The following DLGAP1 variants were observed in gnomAD, a reference collection of about 807,000 sequenced individuals.
DLGAP1 encodes the protein DLG associated protein 1, also known as disks large-associated protein 1.
Under a neutral mutation model 90.8 loss-of-function variants are expected in DLGAP1, and 11 were observed. The observed-to-expected ratio is 0.12, with a 90% CI of 0.08 to 0.20. The LOEUF (loss-of-function observed/expected upper bound fraction) is 0.20, where lower values mean the gene tolerates loss of function less well. DLGAP1 is among the 10% of genes least tolerant of loss of function. The pLI is 1.00. For synonymous variants in DLGAP1, 558 were observed against 540.7 expected (o/e 1.03, Z -0.44); for missense variants, 1,050 against 1,333.8 (o/e 0.79, Z 3.31).
At chr18:3,865,371 T>C (rs2070320080) in intron 4 of DLGAP1, among the ~76,000 whole-genome samples, 1 of 152,196 alleles carries the variant, frequency 6.6e-6, no homozygotes, top group South Asian at 2.1e-4. Flanking sequence ...GTAAAGGTTC[T>C]TTCATAGGTT....
chr18:4,189,212 G>C (rs936171644), intron 1 of DLGAP1, among the ~76,000 whole-genome samples: 4 of 152,014 alleles, frequency 2.6e-5, no homozygotes, highest in Non-Finnish European at 4.4e-5. Flanking sequence ...AAAGATAATG[G>C]AATAATATTT....
chr18:3,743,370 T>G (rs550475863), intron 5 of DLGAP1, among the ~76,000 whole-genome samples: 2 of 152,194 alleles, frequency 1.3e-5, no homozygotes, highest in South Asian at 4.2e-4. Flanking sequence ...TTTTTATTTT[T>G]TTGAGACGGA....
chr18:3,803,673 T>C (rs1474981074), intron 5 of DLGAP1, among the ~76,000 whole-genome samples: 6 of 151,570 alleles, frequency 4.0e-5, no homozygotes, highest in Admixed American at 3.9e-4. Flanking sequence ...CATGAGTCAG[T>C]GGGAGGAAAG....
chr18:3,822,153 A>G, intron 4 of DLGAP1: 1 of 250,160 alleles, frequency 4.0e-6, no homozygotes, highest in Non-Finnish European at 6.3e-6. Context: ...CTCCCCTGGA[A>G]GCCCGAAATT....
At chr18:4,341,920 T>TTC (rs148167267) in intron 1 of DLGAP1, among the ~76,000 whole-genome samples, 7 of 150,382 alleles carry the variant, frequency 4.7e-5, no homozygotes, top group East Asian at 1.9e-4. Context: ...ATATCTCTCT[T>TTC]TCTCTCTCTC....
At chr18:3,999,614 C>A (rs1226467777) in intron 3 of DLGAP1, among the ~76,000 whole-genome samples, 15 of 151,950 alleles carry the variant, frequency 9.9e-5, no homozygotes, top group Non-Finnish European at 2.1e-4. Flanking sequence ...ACAAAAACAA[C>A]AACAACAACA....
rs1363249517 is a variant in DLGAP1 at position 3,729,651 on chromosome 18, C to T, written c.1351-276G>A. On this transcript the variant is annotated intron_variant, in intron 6 of 12. Transcript: ENST00000315677. This position sits in a 1 kb window ranked among gnomAD's most constrained non-coding sequence, Gnocchi z 6.2. ...CTCGAACTCCTGACCTCAAGTGATC[C>T]ACCCGCCTGGGCCTCCCAAAGTGCT... Among the ~76,000 whole-genome samples, 3 of 152,132 alleles carry T rather than the reference C, an allele frequency of 2.0e-5. No individual in the cohort carries two copies. Among genetic ancestry groups the T allele is most frequent in the African/African-American group, 7.2e-5 (3 of 41,412 alleles).
rs371318405 is a variant in DLGAP1, at chr18:3,814,253, T to G, written c.978A>C (p.Thr326=). 1.9e-6 allele frequency: 3 copies of G among 1,614,178 alleles called. No homozygotes were observed. In the African/African-American group the frequency reaches 4.0e-5, roughly 22 times the overall value. The change falls in exon 5 of 13, where the codon ACA becomes ACC. Residue 326 remains threonine, a synonymous_variant. Coordinates refer to ENST00000315677, the MANE Select transcript of DLGAP1 (RefSeq NM_004746.4). The part of the protein sequence containing the change: ...QYLQVPQDEW[T]GYTPRGKDDE... ...CATCTTTACCTCGTGGGGTGTACCC[T>G]GTCCATTCATCTTGTGGAACCTATT...
At chr18:4,045,484 A>AGTTACTTG (rs2075039370) in intron 2 of DLGAP1, among the ~76,000 whole-genome samples, 1 of 123,658 alleles carries the variant, frequency 8.1e-6, no homozygotes, top group African/African-American at 3.1e-5. Context: ...CTGTAGTCCC[A>AGTTACTTG]GTTACTTGGG....
intron 8 of DLGAP1, among the ~76,000 whole-genome samples, chr18:3,576,485 T>C (rs979558698): frequency 2.6e-5 from 4 of 151,920 alleles, no homozygotes; most frequent in Non-Finnish European, 5.9e-5. Context: ...GGTATTGAAC[T>C]CCTGACCTTG....
chr18:3,832,223 C>T (rs77376018), intron 4 of DLGAP1, among the ~76,000 whole-genome samples: 1,724 of 152,314 alleles, frequency 0.011, 11 homozygotes, highest in South Asian at 0.022. Context: ...CACACATGAA[C>T]GCACAAGCAC....
chr18:3,973,871 C>T (rs2073509466), intron 3 of DLGAP1, among the ~76,000 whole-genome samples: 1 of 152,050 alleles, frequency 6.6e-6, no homozygotes, highest in African/African-American at 2.4e-5. Flanking sequence ...TGCTGTTGTC[C>T]TTGTGTGAAT....
At chr18:3,598,953 G>A (rs1317958004) in intron 7 of DLGAP1, among the ~76,000 whole-genome samples, 3 of 148,904 alleles carry the variant, frequency 2.0e-5, no homozygotes, top group East Asian at 2.0e-4. Flanking sequence ...TTGTCTTTTT[G>A]GTAGAGATGG....
chr18:3,708,680 A>C (rs2061511509), intron 7 of DLGAP1, among the ~76,000 whole-genome samples: 1 of 152,236 alleles, frequency 6.6e-6, no homozygotes, highest in South Asian at 2.1e-4. Flanking sequence ...AAGTAAGCAC[A>C]ATCGTAAGTA....
At chr18:4,294,872 C>G (rs2079938029) in intron 1 of DLGAP1, 2 of 152,260 alleles carry the variant, frequency 1.3e-5, no homozygotes, top group South Asian at 4.1e-4. Context: ...AGATCATCTT[C>G]CCCTGGAGCT....
At chr18:3,899,842 G>A (rs749744154) in intron 3 of DLGAP1, among the ~76,000 whole-genome samples, 3 of 152,118 alleles carry the variant, frequency 2.0e-5, no homozygotes, top group East Asian at 1.9e-4. Flanking sequence ...GATCCTTGGC[G>A]TATAGCTGGC....
At chr18:3,690,218 T>G (rs1282929209) in intron 7 of DLGAP1, among the ~76,000 whole-genome samples, 1 of 151,520 alleles carries the variant, frequency 6.6e-6, no homozygotes, top group African/African-American at 2.4e-5. Context: ...TTCCAAGTAG[T>G]TGGGACTGCA....
chr18:4,345,913 A>C (rs1274210200), intron 1 of DLGAP1, among the ~76,000 whole-genome samples: 1 of 152,228 alleles, frequency 6.6e-6, no homozygotes, highest in Non-Finnish European at 1.5e-5. Context: ...AGACAAGTGA[A>C]GTCTGCTTTG....
chr18:4,365,083 C>T (rs1055633197), intron 1 of DLGAP1, among the ~76,000 whole-genome samples: 1 of 152,104 alleles, frequency 6.6e-6, no homozygotes, highest in Admixed American at 6.5e-5. Flanking sequence ...AGGAAGAGAT[C>T]ATAAGGAATT....
Sources: gnomAD v4.1 joint callset for allele counts (sites outside exome capture counted in the v4.1 genomes callset) on GRCh38, gnomAD v4.1.1 for gene constraint, Gnocchi (gnomAD v3.1) non-coding constraint, MANE v1.5 for transcripts, NCBI Gene and HGNC (gene_info 2026-07-23, HGNC 2026-07-21) for gene names.